The following CLYBL variants were observed in gnomAD, a reference collection of about 807,000 sequenced individuals.
The protein encoded by CLYBL is citramalyl-CoA lyase.
A neutral mutation model predicts 38.9 loss-of-function variants in CLYBL; 31 were observed. The observed-to-expected ratio is 0.80, with a 90% CI of 0.60 to 1.08. The LOEUF (loss-of-function observed/expected upper bound fraction) is 1.08, where lower values mean the gene tolerates loss of function less well. Among genes scored for constraint, CLYBL ranks in the 50% least tolerant of loss-of-function variants. CLYBL has a pLI of 0.00. For synonymous variants in CLYBL, 171 were observed against 158.6 expected (o/e 1.08, Z -0.59); for missense variants, 434 against 411.6 (o/e 1.05, Z -0.47).
At chr13:99,733,699 T>C (rs1319803343) in intron 1 of CLYBL, among the ~76,000 whole-genome samples, 1 of 152,242 alleles carries the variant, frequency 6.6e-6, no homozygotes, top group East Asian at 1.9e-4. Flanking sequence ...CGCACGTCTC[T>C]GTTCCTTCTG....
At chr13:99,899,850 G>A (rs2052621598), downstream of CLYBL, among the ~76,000 whole-genome samples, 1 of 152,134 alleles carries the variant, frequency 6.6e-6, no homozygotes, top group Admixed American at 6.5e-5. Flanking sequence ...GTAGAGTTTG[G>A]GAATCCCACT....
chr13:99,628,265 GC>G (rs2046897138), intron 1 of CLYBL, among the ~76,000 whole-genome samples: 1 of 152,156 alleles, frequency 6.6e-6, no homozygotes, highest in Non-Finnish European at 1.5e-5. Flanking sequence ...AGGATCAGTG[GC>G]CTAATCAGCT....
rs182215907 is a variant in CLYBL at position 99,679,135 on chromosome 13, A to C, written c.62+72378A>C. Among the ~76,000 whole-genome samples the C allele has an allele frequency of 1.2e-3, 182 of 152,130 alleles. 1 individual carries two copies. In the East Asian group the frequency reaches 0.026, roughly 22 times the overall value. On this transcript the variant is annotated intron_variant, in intron 1 of 8. Coordinates refer to ENST00000339105, the MANE Select transcript of CLYBL (RefSeq NM_206808.5). ...CGGTGAAACCCTGTCTCTACTAAAA[A>C]TACAAAAAATTAGCCGGGTGTGGTG...
chr13:99,802,102 A>C (rs968685466), intron 2 of CLYBL, among the ~76,000 whole-genome samples: 3 of 152,184 alleles, frequency 2.0e-5, no homozygotes, highest in African/African-American at 7.2e-5. Flanking sequence ...GTAACAAAAC[A>C]CTGTAGATTG....
chr13:99,870,002 A>G (rs1226670548), intron 6 of CLYBL, among the ~76,000 whole-genome samples: 1 of 152,070 alleles, frequency 6.6e-6, no homozygotes, highest in African/African-American at 2.4e-5. Context: ...TTGTTTTTTT[A>G]ATGACTGCAT....
intron 2 of CLYBL, among the ~76,000 whole-genome samples, chr13:99,774,446 C>T (rs1296029104): frequency 6.6e-6 from 1 of 152,008 alleles, no homozygotes; most frequent in East Asian, 1.9e-4. Flanking sequence ...AAGTTAAAAA[C>T]ATGAGTTCGC....
At chr13:99,769,434 G>A (rs1238773682) in intron 1 of CLYBL, among the ~76,000 whole-genome samples, 1 of 152,230 alleles carries the variant, frequency 6.6e-6, no homozygotes, top group Non-Finnish European at 1.5e-5. Context: ...ATTTTCACAT[G>A]TGTGGTTACA....
chr13:99,760,975 A>C (rs879816362), intron 1 of CLYBL, among the ~76,000 whole-genome samples: 7 of 152,192 alleles, frequency 4.6e-5, no homozygotes, highest in African/African-American at 1.7e-4. Flanking sequence ...TTCTTTATCA[A>C]ACCATATATT....
intron 1 of CLYBL, among the ~76,000 whole-genome samples, chr13:99,645,185 T>C (rs1472110948): frequency 6.6e-6 from 1 of 152,222 alleles, no homozygotes; most frequent in Non-Finnish European, 1.5e-5. Context: ...GCATTTGTTA[T>C]TGCCTATCTT....
chr13:99,852,782 G>T (rs955125235), intron 2 of CLYBL, among the ~76,000 whole-genome samples: 5 of 152,098 alleles, frequency 3.3e-5, no homozygotes, highest in African/African-American at 1.2e-4. Context: ...TTGGAAGATT[G>T]TACAGTAGAA....
rs3033584 is a variant in CLYBL at position 99,797,560 on chromosome 13, TTGTGTGTGTGTGTGTG to T, written c.249+24566_249+24581del. Among the ~76,000 whole-genome samples, 9 of 141,810 alleles carry T rather than the reference TTGTGTGTGTGTGTGTG, an allele frequency of 6.3e-5. No homozygotes were observed. The South Asian group carries it at 1.9e-3, about 30-fold the overall frequency. 93.0% of individuals were successfully genotyped at this position (141,810 alleles called of 152,430 possible). ...TTTCTGTGTCTGCCATGTTAGCTGT[TTGTGTGTGTGTGTGTG>T]TGTGTGTGTGTGTGTTTAAACAACA... On this transcript the variant is annotated intron_variant, in intron 2 of 8. Transcript: ENST00000339105.
At chr13:99,840,303 C>T (rs1010397999) in intron 2 of CLYBL, among the ~76,000 whole-genome samples, 28 of 151,948 alleles carry the variant, frequency 1.8e-4, no homozygotes, top group East Asian at 5.8e-4. Context: ...ATCATAACCA[C>T]CTCCATTCAA....
chr13:99,653,386 A>AT (rs1247252040), intron 1 of CLYBL, among the ~76,000 whole-genome samples: 1 of 151,626 alleles, frequency 6.6e-6, no homozygotes, highest in Non-Finnish European at 1.5e-5. Context: ...AAAAAAAAAA[A>AT]GTCCTGTATA....
chr13:99,778,327 A>G (rs1253259337), intron 2 of CLYBL, among the ~76,000 whole-genome samples: 2 of 151,414 alleles, frequency 1.3e-5, no homozygotes, highest in African/African-American at 2.5e-5. Context: ...GAAGAAATCC[A>G]TATTAAAACT....
intron 3 of CLYBL, 25 bp from the exon 4 acceptor site, chr13:99,862,966 T>A (rs538470295): frequency 4.5e-5 from 62 of 1,391,164 alleles, no homozygotes; most frequent in Non-Finnish European, 4.1e-5. Context: ...TCCCCACTAA[T>A]CACCTATGAC....
chr13:99,869,049 T>C lies in CLYBL; in HGVS notation c.803-1889T>C, dbSNP rs965056568. ...TCAATAACAACTCTTTTGTATAAAA[T>C]ATTTGCCTGGTTCCCACATGCCATT... is the stretch of plus-strand genomic sequence containing the variant. On this transcript the variant is annotated intron_variant, in intron 6 of 8. Transcript: ENST00000339105. The surrounding 1 kb of genome is among the most constrained non-coding windows in gnomAD (Gnocchi z 4.3). Among the ~76,000 whole-genome samples the C allele has an allele frequency of 6.6e-6, 1 of 152,194 alleles. No homozygotes were observed.
At chr13:99,900,250 A>T (rs2052626464), downstream of CLYBL, among the ~76,000 whole-genome samples, 1 of 152,028 alleles carries the variant, frequency 6.6e-6, no homozygotes, top group Non-Finnish European at 1.5e-5. Context: ...TCATTACTAG[A>T]TGAAGTATAT....
At chr13:99,847,852 C>A (rs2051242816) in intron 2 of CLYBL, among the ~76,000 whole-genome samples, 1 of 152,196 alleles carries the variant, frequency 6.6e-6, no homozygotes, top group South Asian at 2.1e-4. Context: ...AGCTGTGAGT[C>A]ATGACCTGTC....
chr13:99,610,593 C>A (rs1182309008), intron 1 of CLYBL, among the ~76,000 whole-genome samples: 1 of 152,192 alleles, frequency 6.6e-6, no homozygotes, highest in Non-Finnish European at 1.5e-5. Context: ...ACCAGTAAGT[C>A]TCCTAGTCTT....
Sources: allele counts gnomAD v4.1 joint callset (sites outside exome capture counted in the v4.1 genomes callset), GRCh38; gene constraint gnomAD v4.1.1; non-coding constraint Gnocchi (gnomAD v3.1); transcripts MANE v1.5; gene names NCBI Gene and HGNC (gene_info 2026-07-23, HGNC 2026-07-21).